DHRS7B: variants seen among roughly 807,000 people sequenced by gnomAD.
The protein encoded by DHRS7B is dehydrogenase/reductase 7B, also known as peroxisomal reductase activating PPAR-gamma.
A neutral mutation model predicts 26.4 loss-of-function variants in DHRS7B; 24 were observed. The ratio of observed to expected loss-of-function variants is 0.91; its 90% CI spans 0.66 to 1.28. The LOEUF (loss-of-function observed/expected upper bound fraction) is 1.28, where lower values mean the gene tolerates loss of function less well. Ranked by LOEUF, DHRS7B falls within the 50% of genes most tolerant of loss-of-function variation. The probability of loss-of-function intolerance (pLI) is 0.00; values close to 1 mark genes in which losing one functional copy is unlikely to be tolerated. For missense variants in DHRS7B, 368 were observed against 419.4 expected, an observed-to-expected ratio of 0.88 and a Z score of 1.07; for synonymous variants, 142 against 166.4, an observed-to-expected ratio of 0.85 and a Z score of 1.13.
chr17:21,183,466 C>G (rs1974557899), intron 3 of DHRS7B, 128 bp from the exon 4 acceptor site: 1 of 833,560 alleles, frequency 1.2e-6, no homozygotes, highest in South Asian at 1.7e-5. Flanking sequence ...GTTTAGTTTG[C>G]TATTCTTTTT....
At chr17:21,167,097 G>T (rs1391533922) in intron 1 of DHRS7B, among the ~76,000 whole-genome samples, 2 of 152,118 alleles carry the variant, frequency 1.3e-5, no homozygotes, top group Non-Finnish European at 2.9e-5. Context: ...CAAAGTAGAA[G>T]GAATGGAATG....
chr17:21,184,308 A>C (rs946338525), intron 4 of DHRS7B, 63 bp from the exon 5 acceptor site: 15 of 1,461,780 alleles, frequency 1.0e-5, no homozygotes, highest in Non-Finnish European at 1.4e-5. Flanking sequence ...GTCGCCTTCC[A>C]TCAGCATCGG....
rs148966148 is a variant in DHRS7B, at chr17:21,165,657, C to T, written c.21-6361C>T. ...CTTTAAGAAGCATATTAAGGCCGGA[C>T]GTGGTGGCTCAGCATTTTGGGAGGC... is the stretch of plus-strand genomic sequence containing the variant. On this transcript the variant is annotated intron_variant, in intron 1 of 6. Transcript: ENST00000395511. Among the ~76,000 whole-genome samples the T allele has an allele frequency of 1.5e-4, 23 of 152,138 alleles. No individual in the cohort carries two copies. In the East Asian group the frequency reaches 3.5e-3, roughly 23 times the overall value.
intron 1 of DHRS7B, among the ~76,000 whole-genome samples, chr17:21,146,094 A>C (rs1218885229): frequency 6.6e-6 from 1 of 152,178 alleles, no homozygotes; most frequent in Non-Finnish European, 1.5e-5. Context: ...AACTAGACCA[A>C]ATAAAAGGCC....
At chr17:21,141,635 A>C (rs980356542) in intron 1 of DHRS7B, among the ~76,000 whole-genome samples, 1 of 146,402 alleles carries the variant, frequency 6.8e-6, no homozygotes, top group South Asian at 2.2e-4. Flanking sequence ...AAAAAAAAAA[A>C]AAAAACAACC....
intron 1 of DHRS7B, among the ~76,000 whole-genome samples, chr17:21,140,509 C>CAT (rs1973476665): frequency 6.7e-6 from 1 of 148,840 alleles, no homozygotes; most frequent in South Asian, 2.2e-4. Context: ...CACACACACA[C>CAT]ACACACACAC....
rs775021163 is a variant in DHRS7B at position 21,190,975 on chromosome 17, G to A, written c.800G>A (p.Arg267Gln). 5.6e-6 allele frequency: 9 copies of A among 1,614,136 alleles called. No individual in the cohort carries two copies. Among genetic ancestry groups the A allele is most frequent in the South Asian group, 2.2e-5 (2 of 91,088 alleles). The change falls in exon 7 of 7, where the codon CGA becomes CAA. Residue 267 changes from arginine (R) to glutamine (Q), a missense_variant. By Grantham distance (43) the Arg-to-Gln change is conservative. Transcript: ENST00000395511. ...ATGGACACCACCACAGCCCAGGGCC[G>A]AAGCCCTGTGGAGGTGGCCCAGGAT... ...GVMDTTTAQG[R>Q]SPVEVAQDVL...
At chr17:21,168,397 C>T (rs1974160287) in intron 1 of DHRS7B, among the ~76,000 whole-genome samples, 1 of 152,096 alleles carries the variant, frequency 6.6e-6, no homozygotes, top group Non-Finnish European at 1.5e-5. Context: ...GAGACAGGGC[C>T]TCACTTTGTC....
intron 1 of DHRS7B, among the ~76,000 whole-genome samples, chr17:21,170,404 TACC>T (rs1974213379): frequency 6.6e-6 from 1 of 152,216 alleles, no homozygotes; most frequent in African/African-American, 2.4e-5. Flanking sequence ...GCAGGGATGG[TACC>T]AGTAGTGCCT....
chr17:21,149,615 G>A (rs1164826058), intron 1 of DHRS7B, among the ~76,000 whole-genome samples: 1 of 152,080 alleles, frequency 6.6e-6, no homozygotes, highest in South Asian at 2.1e-4. Flanking sequence ...GTCAAAATGT[G>A]GGGGGACGAG....
Position 21,188,823 on chromosome 17 carries a change from C to G in DHRS7B, c.732C>G (p.Leu244=), listed in dbSNP as rs777085078. The change falls in exon 6 of 7, where the codon CTC becomes CTG. Residue 244 remains leucine, a synonymous_variant. Coordinates refer to ENST00000395511, the MANE Select transcript of DHRS7B (RefSeq NM_015510.5). ...VISPGYIHTN[L]SVNAITADGS... is the part of the protein sequence containing the mutation. ...GCCCCGGCTACATCCACACCAACCT[C>G]TCTGTAAATGCCATCACCGCGGATG... 6.2e-7 allele frequency: 1 copy of G among 1,614,218 alleles called. No homozygotes were observed.
At chr17:21,167,872 A>G (rs1974148605) in intron 1 of DHRS7B, among the ~76,000 whole-genome samples, 2 of 152,214 alleles carry the variant, frequency 1.3e-5, no homozygotes, top group Non-Finnish European at 2.9e-5. Flanking sequence ...AAGTTTATAC[A>G]TATATATAAA....
At position 21,172,019 on chromosome 17, in the gene DHRS7B, A is replaced by C; in HGVS notation, c.22A>C (p.Lys8Gln). The C allele has an allele frequency of 6.2e-7, 1 of 1,614,188 alleles. No homozygotes were observed. The highest frequency in any genetic ancestry group is 8.5e-7 in the Non-Finnish European group (1 of 1,180,038). The change falls in exon 2 of 7, where the codon AAG becomes CAG. Residue 8 changes from lysine (K) to glutamine (Q), a missense_variant and splice_region_variant. Transcript: ENST00000395511. The stretch of plus-strand genomic sequence containing the variant: ...TGTGTTTGGTTTTGGTTCTTCCAGG[A>C]AGAGTCTGCCGAAGGTGAAGGCCAT... MVSPATRKSLPKVKAMDF... is the reference protein window; with the variant it reads MVSPATRQSLPKVKAMDF...
At chr17:21,148,936 A>G (rs1973700713) in intron 1 of DHRS7B, among the ~76,000 whole-genome samples, 1 of 152,198 alleles carries the variant, frequency 6.6e-6, no homozygotes, top group South Asian at 2.1e-4. Context: ...AACTTTACAC[A>G]ACTTAAGAAA....
At position 21,188,761 on chromosome 17, in the gene DHRS7B, G is replaced by A. The variant is rs752656764; in HGVS notation, c.670G>A (p.Glu224Lys). The A allele has an allele frequency of 6.8e-6, 11 of 1,613,322 alleles. No individual in the cohort carries two copies. Among genetic ancestry groups the A allele is most frequent in the South Asian group, 1.1e-5 (1 of 90,832 alleles). Residue 224 changes from glutamate (E) to lysine (K), a missense_variant, in exon 6 of 7, where the codon GAG becomes AAG. By Grantham distance (56) the Glu-to-Lys change is moderately conservative. Transcript: ENST00000395511. ...TQAFFDCLRA[E>K]MEQYEIEVTV... ...GGCTTTCTTTGACTGTCTGCGTGCCGAGATGGAACAGTATGAAATTGAGGT... is the reference window on the plus strand; with the variant it reads ...GGCTTTCTTTGACTGTCTGCGTGCCAAGATGGAACAGTATGAAATTGAGGT...
chr17:21,159,548 C>T (rs1294908731), intron 1 of DHRS7B, among the ~76,000 whole-genome samples: 1 of 151,854 alleles, frequency 6.6e-6, no homozygotes, highest in Non-Finnish European at 1.5e-5. Flanking sequence ...AGCCACCGCA[C>T]CCGGCCAATA....
intron 1 of DHRS7B, among the ~76,000 whole-genome samples, chr17:21,155,110 C>T (rs776475890): frequency 1.3e-5 from 2 of 152,206 alleles, no homozygotes; most frequent in South Asian, 4.1e-4. Flanking sequence ...AAAAAATTAA[C>T]GAATATGGTA....
At chr17:21,169,014 T>C in intron 1 of DHRS7B, 1 of 728,862 alleles carries the variant, frequency 1.4e-6, no homozygotes, top group Non-Finnish European at 1.7e-6. Context: ...CTTGCTGGGC[T>C]GGTTTATTTT....
rs542350578 is a variant in DHRS7B at position 21,142,190 on chromosome 17, G to C, written c.20+15199G>C. Among the ~76,000 whole-genome samples, 31 of 152,284 alleles carry C rather than the reference G, an allele frequency of 2.0e-4. No homozygotes were observed. In the South Asian group the frequency reaches 6.4e-3, roughly 32 times the overall value. ...CAACTCTAAGGGGGTCCACGTGAGA[G>C]GGTCATGATCGATTGAGCAAGCCAG... On this transcript the variant is annotated intron_variant, in intron 1 of 6. Transcript: ENST00000395511.
Sources: gnomAD v4.1 joint callset for allele counts (sites outside exome capture counted in the v4.1 genomes callset) on GRCh38, gnomAD v4.1.1 for gene constraint, MANE v1.5 for transcripts, NCBI Gene and HGNC (gene_info 2026-07-23, HGNC 2026-07-21) for gene names.